Variants in ZNF320 observed in about 807,000 individuals in gnomAD.
ZNF320 encodes the protein zinc finger protein 320, also known as zinc finger gene 320.
In ZNF320, 2 loss-of-function variants were observed where a neutral mutation model predicts 6.8. That is an observed-to-expected ratio of 0.29 (90% CI 0.12 to 0.93). The LOEUF is 0.93. Ranked by LOEUF, ZNF320 falls within the 40% of genes least tolerant of loss-of-function variation. ZNF320 has a pLI of 0.55. For missense variants in ZNF320, 472 were observed against 611.0 expected (o/e 0.77, Z 2.40); for synonymous variants, 208 against 203.2 (o/e 1.02, Z -0.20).
downstream of ZNF320, among the ~76,000 whole-genome samples, chr19:52,860,147 T>C (rs940474543): frequency 1.3e-5 from 2 of 152,048 alleles, no homozygotes; most frequent in African/African-American, 2.4e-5. Flanking sequence ...CTCCTGACCT[T>C]GTGATGCTCC....
chr19:52,874,026 C>CT (rs2063724431), downstream of ZNF320: 1 of 461,678 alleles, frequency 2.2e-6, no homozygotes. Context: ...CTTTTCTTTG[C>CT]CTTCTTGGTG....
downstream of ZNF320, chr19:52,873,876 G>A (rs2063722030): frequency 6.4e-6 from 2 of 314,072 alleles, no homozygotes; most frequent in Admixed American, 3.6e-5. Context: ...GCATGGGTGA[G>A]TGTGAGCAAA....
chr19:52,892,759 CT>C lies in ZNF320; in HGVS notation c.-192+1019del, dbSNP rs745401621. On this transcript the variant is annotated intron_variant, in intron 2 of 5. Transcript: ENST00000682928. ...ATTGTCTCTTCCTTGTTATACCTCC[CT>C]GGCCCCACTCTCTGGCACCCCAGAT... Among the ~76,000 whole-genome samples the C allele has an allele frequency of 1.6e-3, 240 of 151,120 alleles. 2 individuals are homozygous for C. The highest frequency in any genetic ancestry group is 2.4e-3 in the Non-Finnish European group (162 of 67,966).
rs1460519154 is a variant in ZNF320 at position 52,866,043 on chromosome 19, CATATATATGATTATACATATATTT to C, written c.224-1908_224-1885del. On this transcript the variant is annotated intron_variant, in intron 5 of 5. Coordinates refer to the ZNF320 transcript ENST00000673631. The stretch of plus-strand genomic sequence containing the variant: ...ATACATATTTATATATATGATTATA[CATATATATGATTATACATATATTT>C]ATATATATGATTATACATATATTTA... 5.0e-4 allele frequency among the ~76,000 whole-genome samples: 63 copies of C among 126,504 alleles called. 1 individual carries two copies. The highest frequency in any genetic ancestry group is 7.0e-4 in the Admixed American group (8 of 11,434). The allele number at this position is 126,504 out of a possible 152,430, so 83.0% of individuals were successfully genotyped here.
At chr19:52,896,201 G>T (rs539915097) in intron 1 of ZNF320, among the ~76,000 whole-genome samples, 102 of 152,076 alleles carry the variant, frequency 6.7e-4, no homozygotes, top group African/African-American at 2.4e-3. Context: ...AAGGGATTCT[G>T]CTGCCTCAGC....
At chr19:52,899,739 G>C (rs530549221), upstream of ZNF320, among the ~76,000 whole-genome samples, 2 of 152,338 alleles carry the variant, frequency 1.3e-5, no homozygotes, top group Non-Finnish European at 2.9e-5. Flanking sequence ...GGGATTACAG[G>C]CGTGAGCCAC....
In ZNF320 at chr19:52,876,746, C is replaced by T. The variant is rs2063777509; in HGVS notation, c.*3850G>A. 6.6e-6 allele frequency: 1 copy of T among 152,146 alleles called. No homozygotes were observed. Among genetic ancestry groups the T allele is most frequent in the Admixed American group, 6.5e-5 (1 of 15,272 alleles). 9.4% of individuals were successfully genotyped at this position (152,146 alleles called of 1,614,324 possible). ...ACTTGATCTCAGGTGATCTGCCCAC[C>T]TTGGCCTCCCAAAGTGCTGGGATTA... On this transcript the variant is annotated 3_prime_UTR_variant, in exon 6 of 6. Coordinates refer to ENST00000682928, the MANE Select transcript of ZNF320 (RefSeq NM_001351774.2).
chr19:52,895,728 T>C (rs2064450544), intron 1 of ZNF320: 1 of 151,830 alleles, frequency 6.6e-6, no homozygotes. Context: ...GAGAAGAGCT[T>C]GAACCCAAAA....
Position 52,881,827 on chromosome 19 carries a change from T to C in ZNF320, c.299A>G (p.Gln100Arg). 1.2e-6 allele frequency: 2 copies of C among 1,613,814 alleles called. No homozygotes were observed. Among genetic ancestry groups the C allele is most frequent in the Non-Finnish European group, 8.5e-7 (1 of 1,179,830 alleles). ...GTCATTTGTTTCATCTTCTTGCCAC[T>C]GAAACACAAAGTCATGAATGTCTTT... is the stretch of plus-strand genomic sequence containing the variant. ...IEKDIHDFVF[Q>R]WQEDETNDHE... is the part of the protein sequence containing the mutation. Residue 100 changes from glutamine (Q) to arginine (R), a missense_variant, in exon 6 of 6, where the codon CAG becomes CGG. Physicochemically the swap from Gln to Arg is conservative, Grantham distance 43. Transcript: ENST00000682928.
rs2063890308 is a variant in ZNF320, at chr19:52,880,761, G to A, written c.1365C>T (p.His455=). 1.2e-6 allele frequency: 2 copies of A among 1,613,880 alleles called. No individual in the cohort carries two copies. Among genetic ancestry groups the A allele is most frequent in the African/African-American group, 2.7e-5 (2 of 75,014 alleles). Residue 455 remains histidine (H), a synonymous_variant, in exon 6 of 6, where the codon CAC becomes CAT. Coordinates refer to ENST00000682928, the MANE Select transcript of ZNF320 (RefSeq NM_001351774.2). ...TATGGATTCTCTGATGCCTAATAAG[G>A]TGTGAAGGTGAATTAAAGGCTTTAC... The part of the protein sequence containing the change: ...DCGKAFNSPS[H]LIRHQRIHTG...
chr19:52,873,810 C>T (rs369096391), downstream of ZNF320, among the ~76,000 whole-genome samples: 43 of 152,262 alleles, frequency 2.8e-4, no homozygotes, highest in South Asian at 2.9e-3. Flanking sequence ...CCCAAGCTCA[C>T]ATCACTAGGT....
At chr19:52,900,346 T>A (rs1244389305), upstream of ZNF320, among the ~76,000 whole-genome samples, 1 of 152,226 alleles carries the variant, frequency 6.6e-6, no homozygotes, top group Non-Finnish European at 1.5e-5. Flanking sequence ...TTTCTCTAGC[T>A]ATGCAATACC....
chr19:52,869,523 T>C (rs2063640785), intron 5 of ZNF320, among the ~76,000 whole-genome samples: 2 of 151,986 alleles, frequency 1.3e-5, no homozygotes, highest in African/African-American at 4.8e-5. Flanking sequence ...ATAACAATAA[T>C]AATAATAATG....
At position 52,884,233 on chromosome 19, in the gene ZNF320, G is replaced by A. The variant is rs573792068; in HGVS notation, c.143-2250C>T. On this transcript the variant is annotated intron_variant, in intron 5 of 5. Transcript: ENST00000682928. ...CTGTGTCTTAAGCTTCCCAGTTTAA[G>A]CTACTTCCTTTTTCGTTTATTCTTC... 3.3e-5 allele frequency among the ~76,000 whole-genome samples: 5 copies of A among 152,236 alleles called. No homozygotes were observed. In the South Asian group the frequency reaches 6.2e-4, roughly 19 times the overall value.
Position 52,880,699 on chromosome 19 carries a change from T to C in ZNF320, c.1427A>G (p.Lys476Arg). Residue 476 changes from lysine (K) to arginine (R), a missense_variant, in exon 6 of 6, where the codon AAG (lysine) becomes AGG (arginine). Coordinates refer to ENST00000682928, the MANE Select transcript of ZNF320 (RefSeq NM_001351774.2). ...QKSYKCHQCGKVFSLRSLLAE... is the reference protein window; with the variant it reads ...QKSYKCHQCGRVFSLRSLLAE... ...AAGGAGTGACCTCAGACTAAAGACC[T>C]TGCCACACTGATGACATTTGTAAGA... The C allele has an allele frequency of 3.7e-6, 6 of 1,613,976 alleles. No homozygotes were observed. Among genetic ancestry groups the C allele is most frequent in the South Asian group, 1.1e-5 (1 of 91,076 alleles).
Position 52,869,865 on chromosome 19 carries a change from G to A in ZNF320, c.223+4127C>T, listed in dbSNP as rs913391784. Among the ~76,000 whole-genome samples the A allele has an allele frequency of 4.6e-5, 7 of 152,138 alleles. No individual in the cohort carries two copies. In the South Asian group the frequency reaches 6.2e-4, roughly 14 times the overall value. On this transcript the variant is annotated intron_variant, in intron 5 of 5. Transcript: ENST00000673631. Reference sequence around the variant, plus strand: ...TGAGTAGCTGGGACTACAGGCACCCGCCACCACATCTGGCTAATGTTTTTT... The same window carrying A: ...TGAGTAGCTGGGACTACAGGCACCCACCACCACATCTGGCTAATGTTTTTT...
upstream of ZNF320, among the ~76,000 whole-genome samples, chr19:52,901,435 G>A (rs1014488857): frequency 1.3e-5 from 2 of 152,144 alleles, no homozygotes; most frequent in East Asian, 3.9e-4. Flanking sequence ...CTGCAGCAGG[G>A]CTTGTCATCT....
In ZNF320 at chr19:52,866,886, A is replaced by G. The variant is rs966651617; in HGVS notation, c.224-2727T>C. 1.1e-4 allele frequency among the ~76,000 whole-genome samples: 17 copies of G among 148,744 alleles called. No individual in the cohort carries two copies. In the East Asian group the frequency reaches 1.2e-3, roughly 10 times the overall value. ...AAAACATACAAAAAAAAAAAAAAAA[A>G]AAAAGAAAAGAAATGACTAACAGTG... On this transcript the variant is annotated intron_variant, in intron 5 of 5. Transcript: ENST00000673631.
chr19:52,870,538 C>A (rs2063662411), intron 5 of ZNF320, among the ~76,000 whole-genome samples: 1 of 142,916 alleles, frequency 7.0e-6, no homozygotes. Flanking sequence ...AAAAATAAAA[C>A]TTATGGCAAA....
Sources: allele counts gnomAD v4.1 joint callset (sites outside exome capture counted in the v4.1 genomes callset), GRCh38; gene constraint gnomAD v4.1.1; transcripts MANE v1.5; gene names NCBI Gene and HGNC (gene_info 2026-07-23, HGNC 2026-07-21).